The following DOCK10 variants were observed in gnomAD, a reference collection of about 807,000 sequenced individuals.
The protein encoded by DOCK10 is dedicator of cytokinesis protein 10.
A neutral mutation model predicts 280.1 loss-of-function variants in DOCK10; 145 were observed. The observed-to-expected ratio is 0.52, with a 90% CI of 0.45 to 0.59. The LOEUF is 0.59. DOCK10 is among the 20% of genes least tolerant of loss of function. The pLI is 0.00. For missense variants in DOCK10, 2,368 were observed against 2,651.7 expected (o/e 0.89, Z 2.35); for synonymous variants, 915 against 942.2 (o/e 0.97, Z 0.53).
intron 26 of DOCK10, among the ~76,000 whole-genome samples, chr2:224,831,559 C>A (rs1455882569): frequency 6.6e-6 from 1 of 152,230 alleles, no homozygotes; most frequent in Non-Finnish European, 1.5e-5. Flanking sequence ...CTTATGTCAC[C>A]TAAATAACTC....
chr2:224,908,184 A>ATATG (rs1700783871), intron 3 of DOCK10, among the ~76,000 whole-genome samples: 1 of 148,414 alleles, frequency 6.7e-6, no homozygotes, highest in Non-Finnish European at 1.5e-5. Flanking sequence ...GTGTGTGTGT[A>ATATG]TGTGTGTGTG....
chr2:224,956,432 T>C (rs1704037302), intron 1 of DOCK10, among the ~76,000 whole-genome samples: 2 of 151,992 alleles, frequency 1.3e-5, no homozygotes, highest in Non-Finnish European at 2.9e-5. Flanking sequence ...GAGACCAGAT[T>C]GGCCAACATG....
chr2:224,863,599 C>T lies in DOCK10; in HGVS notation c.1603-853G>A, dbSNP rs978730304. 3.3e-5 allele frequency among the ~76,000 whole-genome samples: 5 copies of T among 152,146 alleles called. No individual in the cohort carries two copies. The East Asian group carries it at 7.7e-4, about 24-fold the overall frequency. On this transcript the variant is annotated intron_variant, in intron 13 of 55. Transcript: ENST00000258390. ...TCCCGAGTAGCTGGGACTACAGGCGCCCGCCACCACGCCTGGCTAATTTTT... is the reference window on the plus strand; with the variant it reads ...TCCCGAGTAGCTGGGACTACAGGCGTCCGCCACCACGCCTGGCTAATTTTT...
chr2:224,813,980 C>T (rs1390666034), intron 31 of DOCK10, among the ~76,000 whole-genome samples: 1 of 152,150 alleles, frequency 6.6e-6, no homozygotes, highest in Admixed American at 6.5e-5. Flanking sequence ...TGTGGTTTAG[C>T]AAAAGACATA....
intron 1 of DOCK10, among the ~76,000 whole-genome samples, chr2:225,028,725 C>T (rs982936308): frequency 3.9e-5 from 6 of 152,156 alleles, no homozygotes; most frequent in Admixed American, 3.3e-4. Context: ...TGTCAGCTTA[C>T]GAAAACAGCT....
intron 3 of DOCK10, among the ~76,000 whole-genome samples, chr2:224,906,953 T>G (rs1303388850): frequency 1.5e-5 from 2 of 135,020 alleles, no homozygotes; most frequent in Non-Finnish European, 3.3e-5. Flanking sequence ...TTTCATCCAA[T>G]GGTTGATTCT....
chr2:225,040,882 T>A (rs1379179625), intron 1 of DOCK10, among the ~76,000 whole-genome samples: 1 of 152,242 alleles, frequency 6.6e-6, no homozygotes, highest in Non-Finnish European at 1.5e-5. Context: ...ACAGTTTGTC[T>A]TTGGTGTCCT....
rs769283476 is a variant in DOCK10, at chr2:224,806,091, G to T, written c.3814+35C>A. The T allele has an allele frequency of 7.7e-6, 10 of 1,291,470 alleles. No homozygotes were observed. The Admixed American group carries it at 1.7e-4, about 22-fold the overall frequency. The allele number at this position is 1,291,470 out of a possible 1,614,324, so 80.0% of individuals were successfully genotyped here. Reference sequence around the variant, plus strand: ...ATATACAATGTAAAGGTGGATGAGTGTTAAAAATAAGTGTTCTCAGAAGAT... The same window carrying T: ...ATATACAATGTAAAGGTGGATGAGTTTTAAAAATAAGTGTTCTCAGAAGAT... On this transcript the variant is annotated intron_variant, in intron 34 of 55. Coordinates refer to ENST00000258390, the MANE Select transcript of DOCK10 (RefSeq NM_014689.3).
At chr2:224,834,299 C>T (rs1695456958) in intron 25 of DOCK10, 36 bp from the exon 26 acceptor site, 4 of 1,208,744 alleles carry the variant, frequency 3.3e-6, no homozygotes, top group Non-Finnish European at 4.9e-6. Context: ...AAGTTAAATA[C>T]TTTGAAAAAT....
chr2:224,961,756 C>T (rs1011298787), intron 1 of DOCK10, among the ~76,000 whole-genome samples: 6 of 152,004 alleles, frequency 3.9e-5, no homozygotes, highest in African/African-American at 9.7e-5. Flanking sequence ...CTGCCTGCCT[C>T]GGCCTCCCAA....
chr2:224,963,605 T>A (rs1339064505), intron 1 of DOCK10, among the ~76,000 whole-genome samples: 1 of 152,208 alleles, frequency 6.6e-6, no homozygotes, highest in African/African-American at 2.4e-5. Flanking sequence ...GAAATCAGTG[T>A]GGCAATTAAT....
At chr2:224,982,298 A>ATG (rs1705792595) in intron 1 of DOCK10, 2 of 1,232,030 alleles carry the variant, frequency 1.6e-6, no homozygotes, top group Middle Eastern at 6.2e-4. Context: ...TCGTCTACAA[A>ATG]TGTGTGGACA....
chr2:224,888,219 C>G (rs1030497084), intron 4 of DOCK10, among the ~76,000 whole-genome samples: 41 of 140,176 alleles, frequency 2.9e-4, no homozygotes, highest in Middle Eastern at 3.6e-3. Flanking sequence ...TAATATAGGC[C>G]TGTGTGTGTG....
chr2:224,791,880 C>A (rs1056900372), intron 47 of DOCK10, among the ~76,000 whole-genome samples: 1 of 151,850 alleles, frequency 6.6e-6, no homozygotes, highest in African/African-American at 2.4e-5. Flanking sequence ...CAAGTAAAGT[C>A]CATTTACATT....
intron 52 of DOCK10, among the ~76,000 whole-genome samples, chr2:224,774,272 C>A (rs1238559305): frequency 6.6e-6 from 1 of 152,176 alleles, no homozygotes; most frequent in African/African-American, 2.4e-5. Context: ...TGTTTCATTT[C>A]TCCTGCTCCG....
chr2:224,994,407 G>C (rs1706211350), intron 1 of DOCK10, among the ~76,000 whole-genome samples: 1 of 152,194 alleles, frequency 6.6e-6, no homozygotes, highest in African/African-American at 2.4e-5. Context: ...ATGGTGCCAG[G>C]AAGTAGTACT....
intron 53 of DOCK10, among the ~76,000 whole-genome samples, chr2:224,771,597 G>A (rs1272953465): frequency 6.6e-6 from 1 of 152,248 alleles, no homozygotes; most frequent in Admixed American, 6.5e-5. Flanking sequence ...GTGCATAGAA[G>A]CCTTTAATGT....
At chr2:224,990,304 G>A (rs684441) in intron 1 of DOCK10, among the ~76,000 whole-genome samples, 96,309 of 152,034 alleles carry the variant, frequency 0.63, 30,812 homozygotes, top group Non-Finnish European at 0.63. Context: ...TTTTAATAAA[G>A]TGTAGTATAG....
intron 2 of DOCK10, among the ~76,000 whole-genome samples, chr2:224,925,832 T>C (rs1702018532): frequency 6.6e-6 from 1 of 152,212 alleles, no homozygotes; most frequent in South Asian, 2.1e-4. Flanking sequence ...CTTTCTCAAC[T>C]TTTTTTCTGC....
Sources: gnomAD v4.1 joint callset for allele counts (sites outside exome capture counted in the v4.1 genomes callset) on GRCh38, gnomAD v4.1.1 for gene constraint, MANE v1.5 for transcripts, NCBI Gene and HGNC (gene_info 2026-07-23, HGNC 2026-07-21) for gene names.